The following DGAT1 variants were observed in gnomAD, a reference collection of about 807,000 sequenced individuals.
DGAT1 encodes the protein ACAT related gene product 1.
In DGAT1, 60 loss-of-function variants were observed where a neutral mutation model predicts 72.6. The ratio of observed to expected loss-of-function variants is 0.83; its 90% CI spans 0.67 to 1.02. The LOEUF (loss-of-function observed/expected upper bound fraction) is 1.02. DGAT1 is among the 50% of genes least tolerant of loss of function. The pLI, the probability that DGAT1 is intolerant of heterozygous loss-of-function variation, is 0.00. For missense variants in DGAT1, 592 were observed against 670.0 expected (o/e 0.88, Z 1.29); for synonymous variants, 290 against 267.5 (o/e 1.08, Z -0.82).
Position 144,318,305 on chromosome 8 carries a change from TAGG to T in DGAT1, c.629_631del (p.Ser210del), listed in dbSNP as rs782577883. 189 of 1,612,540 alleles carry T rather than the reference TAGG, an allele frequency of 1.2e-4. No individual in the cohort carries two copies. Among genetic ancestry groups the T allele is most frequent in the Non-Finnish European group, 1.5e-4 (179 of 1,179,840 alleles). On this transcript the variant is annotated inframe_deletion, in exon 7 of 17. Coordinates refer to ENST00000528718, the MANE Select transcript of DGAT1 (RefSeq NM_012079.6). Reference sequence around the variant, plus strand: ...GCGGCACCATGAGTTGACGTCGCGGTAGGAGAAGAGCTTGAGGAAGAGGATGGT... The same window carrying T: ...GCGGCACCATGAGTTGACGTCGCGGTAGAAGAGCTTGAGGAAGAGGATGGT...
Position 144,315,886 on chromosome 8 carries a change from A to G in DGAT1, c.*668T>C, listed in dbSNP as rs1407023228. On this transcript the variant is annotated 3_prime_UTR_variant, in exon 17 of 17. Transcript: ENST00000528718. ...GTGTACCGTAGCCCCTCGGCTCACC[A>G]GACCCACACCAGAAAGGCCCTGTGG... The G allele has an allele frequency of 7.1e-6, 7 of 985,614 alleles. No homozygotes were observed. The highest frequency in any genetic ancestry group is 3.5e-5 in the African/African-American group (2 of 57,254). 61.1% of individuals were successfully genotyped at this position (985,614 alleles called of 1,614,324 possible). A position where few individuals can be genotyped will look rare whatever the true frequency, so the allele number is the denominator to read the frequency against.
intron 1 of DGAT1, among the ~76,000 whole-genome samples, chr8:144,324,584 AC>A (rs1817546927): frequency 6.6e-6 from 1 of 151,820 alleles, no homozygotes; most frequent in South Asian, 2.1e-4. Context: ...TCCCAAGGAG[AC>A]CCGACCTCCA....
At chr8:144,319,219 C>A in intron 2 of DGAT1, 151 bp from the exon 3 acceptor site, 3 of 877,350 alleles carry the variant, frequency 3.4e-6, no homozygotes, top group South Asian at 1.5e-5. Flanking sequence ...GTCTCCATGC[C>A]AAGCTCTGAG....
Position 144,317,394 on chromosome 8 carries a change from AG to A in DGAT1, c.1032del (p.Cys345AlafsTer2). The A allele has an allele frequency of 6.2e-7, 1 of 1,613,878 alleles. No individual in the cohort carries two copies. Among genetic ancestry groups the A allele is most frequent in the East Asian group, 2.2e-5 (1 of 44,876 alleles). On this transcript the variant is annotated frameshift_variant, in exon 13 of 17. Transcript: ENST00000528718. LOFTEE classifies it high-confidence loss of function. ...WLIFFYWLFH[S>X]CLNAVAELMQ... The stretch of plus-strand genomic sequence containing the variant: ...ATGAGCTCAGCCACGGCATTCAGGC[AG>A]GAGTGGAAGAGCCAGTAGAAGAAGA...
At position 144,315,068 on chromosome 8, in the gene DGAT1, C is replaced by T; in HGVS notation, c.*1486G>A. On this transcript the variant is annotated 3_prime_UTR_variant, in exon 17 of 17. Coordinates refer to ENST00000528718, the MANE Select transcript of DGAT1 (RefSeq NM_012079.6). ...CTGTGTAGGCACGGGGAACGGGAGC[C>T]TGTCCCGTAGCTTTAGGGTTCTCCA... 2.0e-6 allele frequency: 2 copies of T among 985,468 alleles called. No homozygotes were observed. The highest frequency in any genetic ancestry group is 2.4e-6 in the Non-Finnish European group (2 of 829,984). The allele number at this position is 985,468 out of a possible 1,614,324, so 61.0% of individuals were successfully genotyped here.
chr8:144,317,488 C>T (rs782491976), intron 12 of DGAT1, 43 bp from the exon 13 acceptor site: 16 of 1,613,642 alleles, frequency 9.9e-6, no homozygotes, highest in Non-Finnish European at 2.5e-6. Flanking sequence ...TAGAACCTTC[C>T]CCCACATGCC....
At position 144,317,904 on chromosome 8, in the gene DGAT1, C is replaced by G; in HGVS notation, c.855+10G>C. ...AGCCTCCAGTGGCTGCCCCCAGCCC[C>G]CAACCTCACCATCTCAAGGATCCGT... On this transcript the variant is annotated intron_variant, in intron 9 of 16. Coordinates refer to ENST00000528718, the MANE Select transcript of DGAT1 (RefSeq NM_012079.6). 1 of 1,529,298 alleles carries G rather than the reference C, an allele frequency of 6.5e-7. No homozygotes were observed. The highest frequency in any genetic ancestry group is 1.8e-4 in the Middle Eastern group (1 of 5,656). The allele number at this position is 1,529,298 out of a possible 1,614,324, so 94.7% of individuals were successfully genotyped here.
chr8:144,322,199 C>A (rs1006256870), intron 1 of DGAT1, among the ~76,000 whole-genome samples: 3 of 152,148 alleles, frequency 2.0e-5, no homozygotes, highest in Non-Finnish European at 2.9e-5. Context: ...GGCACCCAGC[C>A]CAATAGAGGG....
Position 144,326,829 on chromosome 8 carries a change from T to G in DGAT1, c.-193A>C, listed in dbSNP as rs1325467639. 8.3e-5 allele frequency: 25 copies of G among 300,378 alleles called. No individual in the cohort carries two copies. Among genetic ancestry groups the G allele is most frequent in the African/African-American group, 3.1e-4 (14 of 44,744 alleles). The allele number at this position is 300,378 out of a possible 1,614,324, so 18.6% of individuals were successfully genotyped here. On this transcript the variant is annotated 5_prime_UTR_variant, in exon 1 of 17. Coordinates refer to ENST00000528718, the MANE Select transcript of DGAT1 (RefSeq NM_012079.6). ...GCCCGTCGGCCTCAAGGACAACGGC[T>G]GCGTTGCTCCGGAGCCGCTAACTAA...
chr8:144,326,269 G>A (rs1817590488), intron 1 of DGAT1, among the ~76,000 whole-genome samples, 168 bp downstream of exon 1: 1 of 152,246 alleles, frequency 6.6e-6, no homozygotes, highest in South Asian at 2.1e-4. Flanking sequence ...CAGTGACCTT[G>A]TCAGGTGACT....
At position 144,314,749 on chromosome 8, in the gene DGAT1, A is replaced by AGGGTGGTGCGGT. The variant is rs1183179403; in HGVS notation, c.*1793_*1804dup. 3 of 235,054 alleles carry AGGGTGGTGCGGT rather than the reference A, an allele frequency of 1.3e-5. No individual in the cohort carries two copies. Among genetic ancestry groups the AGGGTGGTGCGGT allele is most frequent in the Non-Finnish European group, 2.3e-5 (3 of 131,572 alleles). The allele number at this position is 235,054 out of a possible 1,614,324, so 14.6% of individuals were successfully genotyped here. A position where few individuals can be genotyped will look rare whatever the true frequency, so the allele number is the denominator to read the frequency against. ...GGCCTCCATGTGTTTCCTCTGTCCC[A>AGGGTGGTGCGGT]GGGTGGTGCGGTGGGTGGTGCTGCA... is the stretch of plus-strand genomic sequence containing the variant. On this transcript the variant is annotated 3_prime_UTR_variant, in exon 17 of 17. Transcript: ENST00000528718.
In DGAT1 at chr8:144,315,174, T is replaced by A; in HGVS notation, c.*1380A>T. 1 of 985,436 alleles carries A rather than the reference T, an allele frequency of 1.0e-6. No individual in the cohort carries two copies. Among genetic ancestry groups the A allele is most frequent in the South Asian group, 4.7e-5 (1 of 21,286 alleles). 61.0% of individuals were successfully genotyped at this position (985,436 alleles called of 1,614,324 possible). On this transcript the variant is annotated 3_prime_UTR_variant, in exon 17 of 17. Coordinates refer to ENST00000528718, the MANE Select transcript of DGAT1 (RefSeq NM_012079.6). The stretch of plus-strand genomic sequence containing the variant: ...GCTGCTTTATCTGGCAGCAACAGTT[T>A]GTTCTCGAGCTCCACTGGCCAACTG...
rs1817202499 is a variant in DGAT1, at chr8:144,316,042, C to G, written c.*512G>C. 3.5e-6 allele frequency: 2 copies of G among 568,052 alleles called. No homozygotes were observed. Among genetic ancestry groups the G allele is most frequent in the Non-Finnish European group, 4.5e-6 (2 of 446,364 alleles). 35.2% of individuals were successfully genotyped at this position (568,052 alleles called of 1,614,324 possible). A position where few individuals can be genotyped will look rare whatever the true frequency, so the allele number is the denominator to read the frequency against. ...TGCACTGAGGGCCAGAGTGCCGATT[C>G]CCGCACACCCAGCAGGAGTAGCACC... On this transcript the variant is annotated 3_prime_UTR_variant, in exon 17 of 17. Transcript: ENST00000528718.
At chr8:144,322,792 G>A (rs571495936) in intron 1 of DGAT1, among the ~76,000 whole-genome samples, 89 of 152,224 alleles carry the variant, frequency 5.8e-4, no homozygotes, top group African/African-American at 2.0e-3. Context: ...CAGCCTGAGC[G>A]CCCTGCATCC....
At chr8:144,325,004 C>A (rs1817559592) in intron 1 of DGAT1, among the ~76,000 whole-genome samples, 1 of 151,760 alleles carries the variant, frequency 6.6e-6, no homozygotes, top group East Asian at 1.9e-4. Flanking sequence ...GCAGAGGTTG[C>A]AGTGAGCCAA....
chr8:144,315,337 C>A lies in DGAT1; in HGVS notation c.*1217G>T, dbSNP rs1588677993. 1.0e-6 allele frequency: 1 copy of A among 985,478 alleles called. No homozygotes were observed. Among genetic ancestry groups the A allele is most frequent in the African/African-American group, 1.7e-5 (1 of 57,340 alleles). The allele number at this position is 985,478 out of a possible 1,614,324, so 61.0% of individuals were successfully genotyped here. ...CCATCTCAGGGCCCACCAGCCCCCA[C>A]TGGGGTAGAGGGAGGATACCACCAA... On this transcript the variant is annotated 3_prime_UTR_variant, in exon 17 of 17. Transcript: ENST00000528718.
Position 144,315,568 on chromosome 8 carries a change from G to A in DGAT1, c.*986C>T. ...AAGGTAAGGCAGCAGCAGGGCCCTG[G>A]GGTTACCCCTGACCTCCCGCTACCA... On this transcript the variant is annotated 3_prime_UTR_variant, in exon 17 of 17. Coordinates refer to ENST00000528718, the MANE Select transcript of DGAT1 (RefSeq NM_012079.6). 1.0e-6 allele frequency: 1 copy of A among 985,656 alleles called. No individual in the cohort carries two copies. Among genetic ancestry groups the A allele is most frequent in the South Asian group, 4.7e-5 (1 of 21,302 alleles). The allele number at this position is 985,656 out of a possible 1,614,324, so 61.1% of individuals were successfully genotyped here.
rs1554847514 is a variant in DGAT1, at chr8:144,318,134, G to A, written c.712C>T (p.Pro238Ser). Residue 238 changes from proline (P) to serine (S), a missense_variant, in exon 8 of 17, where the codon CCG becomes TCG. Coordinates refer to ENST00000528718, the MANE Select transcript of DGAT1 (RefSeq NM_012079.6). ...AGKKASSAAA[P>S]HTVSYPDNLT... is the part of the protein sequence containing the mutation. ...TTGTCCGGGTAGCTCACGGTGTGCG[G>A]GGCAGCAGCACTGCTGGCCTTCTTC... The A allele has an allele frequency of 7.0e-6, 11 of 1,560,692 alleles. No individual in the cohort carries two copies. The highest frequency in any genetic ancestry group is 1.9e-5 in the Admixed American group (1 of 52,274).
rs1817228060 is a variant in DGAT1 at position 144,316,517 on chromosome 8, T to A, written c.*37A>T. ...GAGAGGTGGGCTCTGGCAGCGGGTG[T>A]GAGGTGGCAGTGAGAAGCCAGGCCC... On this transcript the variant is annotated 3_prime_UTR_variant, in exon 17 of 17. Coordinates refer to ENST00000528718, the MANE Select transcript of DGAT1 (RefSeq NM_012079.6). The A allele has an allele frequency of 1.3e-6, 2 of 1,548,822 alleles. No homozygotes were observed. The highest frequency in any genetic ancestry group is 1.9e-5 in the Admixed American group (1 of 52,672).
Sources: gnomAD v4.1 joint callset for allele counts (sites outside exome capture counted in the v4.1 genomes callset) on GRCh38, gnomAD v4.1.1 for gene constraint, MANE v1.5 for transcripts, NCBI Gene and HGNC (gene_info 2026-07-23, HGNC 2026-07-21) for gene names.